SLC35F4: variants seen among roughly 807,000 people sequenced by gnomAD.
The protein encoded by SLC35F4 is solute carrier family 35 member F4, also known as chromosome 14 open reading frame 36.
SLC35F4 carries 24 observed loss-of-function variants against 44.2 expected under a neutral mutation model. The observed-to-expected ratio is 0.54, with a 90% CI of 0.39 to 0.76. The LOEUF (loss-of-function observed/expected upper bound fraction) is 0.76, where lower values mean the gene tolerates loss of function less well. Among genes scored for constraint, SLC35F4 ranks in the 30% least tolerant of loss-of-function variants. SLC35F4 has a pLI of 0.00. For synonymous variants in SLC35F4, 238 were observed against 223.6 expected (o/e 1.06, Z -0.57); for missense variants, 562 against 586.1 (o/e 0.96, Z 0.42).
In SLC35F4 at chr14:57,569,827, G is replaced by A; in HGVS notation, c.1087C>T (p.Pro363Ser). 1.2e-6 allele frequency: 2 copies of A among 1,611,222 alleles called. No homozygotes were observed. Among genetic ancestry groups the A allele is most frequent in the Non-Finnish European group, 1.7e-6 (2 of 1,178,742 alleles). The change falls in exon 6 of 8, where the codon CCA (proline) becomes TCA (serine). Residue 363 changes from proline (P) to serine (S), a missense_variant. Transcript: ENST00000556826. ...GCCATCCCACAGAGACAGCCCCATG[G>A]CAGAGCAGCAAAAGAGGACCAGTGC... Reference protein sequence around the residue: ...VEHWSSFAALPWGCLCGMAGL... With the variant: ...VEHWSSFAALSWGCLCGMAGL...
rs1279667355 is a variant in SLC35F4 at position 57,763,301 on chromosome 14, T to A, written c.103+102422A>T. 2.6e-5 allele frequency among the ~76,000 whole-genome samples: 4 copies of A among 152,188 alleles called. No homozygotes were observed. In the East Asian group the frequency reaches 7.7e-4, roughly 29 times the overall value. On this transcript the variant is annotated intron_variant, in intron 1 of 7. Coordinates refer to ENST00000556826, the MANE Select transcript of SLC35F4 (RefSeq NM_001306087.2). Reference sequence around the variant, plus strand: ...GATGTTTCAAGTTTCTCTAGCTTATTTGTTGACAAAAGGTATAAAGATAAA... The same window carrying A: ...GATGTTTCAAGTTTCTCTAGCTTATATGTTGACAAAAGGTATAAAGATAAA...
At chr14:57,573,277 G>T (rs1407280277) in intron 4 of SLC35F4, among the ~76,000 whole-genome samples, 1 of 152,190 alleles carries the variant, frequency 6.6e-6, no homozygotes, top group Non-Finnish European at 1.5e-5. Flanking sequence ...GGCCCACTTG[G>T]TTTCAGAGTA....
intron 1 of SLC35F4, among the ~76,000 whole-genome samples, chr14:57,875,686 A>G (rs1217155171): frequency 6.6e-6 from 1 of 152,242 alleles, no homozygotes; most frequent in Non-Finnish European, 1.5e-5. Context: ...AGAGTTAAGA[A>G]TGCAAAGCCT....
intron 1 of SLC35F4, among the ~76,000 whole-genome samples, chr14:57,628,888 A>G (rs1455985662): frequency 6.6e-6 from 1 of 152,120 alleles, no homozygotes; most frequent in Admixed American, 6.6e-5. Context: ...TTGTATACGT[A>G]GAAATCATAA....
At chr14:57,725,718 C>G (rs1202676251) in intron 1 of SLC35F4, among the ~76,000 whole-genome samples, 1 of 152,300 alleles carries the variant, frequency 6.6e-6, no homozygotes, top group Non-Finnish European at 1.5e-5. Context: ...ACAATGCCAA[C>G]TAGGTGACAA....
chr14:57,611,444 G>T (rs2071492444), intron 1 of SLC35F4, among the ~76,000 whole-genome samples: 1 of 152,050 alleles, frequency 6.6e-6, no homozygotes, highest in Non-Finnish European at 1.5e-5. Context: ...TGCCCAGCAG[G>T]TCCAGGATGA....
At chr14:57,846,807 G>A (rs1482055672) in intron 1 of SLC35F4, among the ~76,000 whole-genome samples, 1 of 152,124 alleles carries the variant, frequency 6.6e-6, no homozygotes, top group East Asian at 1.9e-4. Flanking sequence ...TGTGTCAGGG[G>A]GTTTCAGAGA....
chr14:57,772,194 G>C (rs1410282814), intron 1 of SLC35F4, among the ~76,000 whole-genome samples: 1 of 152,170 alleles, frequency 6.6e-6, no homozygotes, highest in Non-Finnish European at 1.5e-5. Context: ...CTTAGCCGAA[G>C]AGGAGAAATT....
At chr14:57,672,441 A>T (rs76236787) in intron 1 of SLC35F4, among the ~76,000 whole-genome samples, 22,713 of 152,150 alleles carry the variant, frequency 0.15, 1,923 homozygotes, top group East Asian at 0.29. Context: ...TGCCATGATG[A>T]CATACATCTT....
At chr14:57,671,063 C>T (rs1373797316) in intron 1 of SLC35F4, among the ~76,000 whole-genome samples, 1 of 144,436 alleles carries the variant, frequency 6.9e-6, no homozygotes, top group Non-Finnish European at 1.5e-5. Context: ...CACCACCATG[C>T]CACCTAATTT....
intron 1 of SLC35F4, among the ~76,000 whole-genome samples, chr14:57,832,444 A>C (rs1194262762): frequency 1.3e-5 from 2 of 152,242 alleles, no homozygotes; most frequent in African/African-American, 2.4e-5. Flanking sequence ...GTATGACATG[A>C]GGACTATAGT....
intron 1 of SLC35F4, among the ~76,000 whole-genome samples, chr14:57,792,545 G>A (rs1289483370): frequency 1.3e-5 from 2 of 152,014 alleles, no homozygotes; most frequent in Non-Finnish European, 2.9e-5. Flanking sequence ...TAAAGAAAAT[G>A]TGATATATAT....
intron 1 of SLC35F4, among the ~76,000 whole-genome samples, chr14:57,756,062 G>A (rs1252494442): frequency 6.6e-6 from 1 of 152,156 alleles, no homozygotes; most frequent in East Asian, 1.9e-4. Flanking sequence ...CAGTTGCCCT[G>A]TTTTCCATTT....
At chr14:57,902,220 A>T (rs1254718312) in intron 1 of SLC35F4, among the ~76,000 whole-genome samples, 1 of 152,168 alleles carries the variant, frequency 6.6e-6, no homozygotes, top group African/African-American at 2.4e-5. Flanking sequence ...TGAGAAAGCA[A>T]TTTGGTGATA....
At chr14:57,628,087 T>G (rs1000218574) in intron 1 of SLC35F4, among the ~76,000 whole-genome samples, 9 of 152,110 alleles carry the variant, frequency 5.9e-5, no homozygotes, top group African/African-American at 2.2e-4. Context: ...ATCATTTCCT[T>G]GTCTACGTAC....
chr14:57,684,226 G>A (rs1054013761), intron 1 of SLC35F4, among the ~76,000 whole-genome samples: 9 of 152,046 alleles, frequency 5.9e-5, no homozygotes, highest in Admixed American at 1.3e-4. Context: ...ATCCCACGCC[G>A]CTGCTGGCAC....
At chr14:57,653,961 G>A (rs969571016) in intron 1 of SLC35F4, among the ~76,000 whole-genome samples, 6 of 152,150 alleles carry the variant, frequency 3.9e-5, no homozygotes, top group African/African-American at 1.4e-4. Context: ...GCTTCTGGTG[G>A]TTTGTTGGCA....
chr14:57,756,233 C>G (rs1243229043), intron 1 of SLC35F4, among the ~76,000 whole-genome samples: 8 of 152,202 alleles, frequency 5.3e-5, no homozygotes, highest in Non-Finnish European at 4.4e-5. Context: ...AAATACTGTT[C>G]TAGCAGTGTC....
intron 1 of SLC35F4, among the ~76,000 whole-genome samples, chr14:57,968,710 G>A (rs11628568): frequency 0.049 from 7,405 of 152,214 alleles, 233 homozygotes; most frequent in South Asian, 0.095. Context: ...TAAGCAGGGC[G>A]TGGGGGGTGT....
Sources: gnomAD v4.1 joint callset for allele counts (sites outside exome capture counted in the v4.1 genomes callset) on GRCh38, gnomAD v4.1.1 for gene constraint, MANE v1.5 for transcripts, NCBI Gene and HGNC (gene_info 2026-07-23, HGNC 2026-07-21) for gene names.